The following SLC25A13 variants were observed in gnomAD, a reference collection of about 807,000 sequenced individuals.
The protein encoded by SLC25A13 is solute carrier family 25 member 13.
Under a neutral mutation model 85.5 loss-of-function variants are expected in SLC25A13, and 70 were observed. The observed-to-expected ratio is 0.82, with a 90% CI of 0.68 to 1.00. The LOEUF is 1.00. SLC25A13 is among the 50% of genes least tolerant of loss of function. The pLI is 0.00. For synonymous variants in SLC25A13, 259 were observed against 288.7 expected, an observed-to-expected ratio of 0.90 and a Z score of 1.04; for missense variants, 765 against 819.8, an observed-to-expected ratio of 0.93 and a Z score of 0.82.
chr7:96,182,069 C>G (rs1232029627), intron 11 of SLC25A13, among the ~76,000 whole-genome samples: 1 of 152,124 alleles, frequency 6.6e-6, no homozygotes, highest in Non-Finnish European at 1.5e-5. Flanking sequence ...TTCATCTGAT[C>G]TCTCTTACCC....
chr7:96,315,062 A>G (rs1191088964), intron 1 of SLC25A13, among the ~76,000 whole-genome samples: 1 of 152,178 alleles, frequency 6.6e-6, no homozygotes. Context: ...TGGAGCTTTC[A>G]GTCAAGTTTG....
chr7:96,182,936 C>T (rs1486641689), intron 11 of SLC25A13, among the ~76,000 whole-genome samples: 2 of 152,178 alleles, frequency 1.3e-5, no homozygotes, highest in East Asian at 3.9e-4. Flanking sequence ...CCAAAAACCA[C>T]CCATATGGAC....
At chr7:96,282,701 A>C (rs1798734726) in intron 2 of SLC25A13, among the ~76,000 whole-genome samples, 1 of 152,214 alleles carries the variant, frequency 6.6e-6, no homozygotes, top group African/African-American at 2.4e-5. Context: ...ATATTTATTA[A>C]CATAAATCAG....
intron 1 of SLC25A13, among the ~76,000 whole-genome samples, chr7:96,297,838 C>A (rs533134449): frequency 6.6e-6 from 1 of 152,278 alleles, no homozygotes; most frequent in South Asian, 2.1e-4. Context: ...TTTAGAAATA[C>A]AAGTGGCTGT....
At chr7:96,204,744 C>T (rs1795394753) in intron 5 of SLC25A13, among the ~76,000 whole-genome samples, 1 of 152,084 alleles carries the variant, frequency 6.6e-6, no homozygotes, top group African/African-American at 2.4e-5. Flanking sequence ...TAGATTTTTA[C>T]ATTATGAGTG....
intron 3 of SLC25A13, 91 bp from the exon 4 acceptor site, chr7:96,235,008 T>A: frequency 1.2e-6 from 1 of 850,334 alleles, no homozygotes; most frequent in South Asian, 1.5e-5. Flanking sequence ...AAATAAGATA[T>A]CACTGCCAAA....
chr7:96,146,472 A>T, intron 14 of SLC25A13, 84 bp downstream of exon 14: 1 of 1,558,028 alleles, frequency 6.4e-7, no homozygotes, highest in Non-Finnish European at 8.7e-7. Flanking sequence ...TGCAAAAAAA[A>T]ATGGATTTCA....
chr7:96,147,239 T>C (rs991020005), intron 13 of SLC25A13, among the ~76,000 whole-genome samples: 5 of 152,240 alleles, frequency 3.3e-5, no homozygotes, highest in Admixed American at 6.5e-5. Context: ...GTTATTATTT[T>C]TTTCTCTTAG....
At chr7:96,302,323 G>T (rs1799577670) in intron 1 of SLC25A13, among the ~76,000 whole-genome samples, 1 of 152,062 alleles carries the variant, frequency 6.6e-6, no homozygotes, top group Non-Finnish European at 1.5e-5. Context: ...CCATAGGTAG[G>T]GGGTCACCAG....
intron 14 of SLC25A13, among the ~76,000 whole-genome samples, chr7:96,138,585 A>C (rs1584359013): frequency 1.3e-5 from 2 of 151,894 alleles, no homozygotes; most frequent in East Asian, 1.9e-4. Flanking sequence ...TTTTGTGTAG[A>C]GATGAGGTCT....
chr7:96,226,308 T>C (rs1393874968), intron 4 of SLC25A13, among the ~76,000 whole-genome samples: 1 of 152,190 alleles, frequency 6.6e-6, no homozygotes. Context: ...ACTCGTAGTG[T>C]CCTCAAGGTT....
intron 3 of SLC25A13, among the ~76,000 whole-genome samples, chr7:96,238,001 G>A (rs1011657256): frequency 9.9e-5 from 15 of 152,102 alleles, no homozygotes; most frequent in Non-Finnish European, 2.1e-4. Flanking sequence ...ATGCTGGTAT[G>A]GGCAGAACTG....
Position 96,189,478 on chromosome 7 carries a change from G to C in SLC25A13, c.849-100C>G, listed in dbSNP as rs1325868663. On this transcript the variant is annotated intron_variant, in intron 8 of 17. Coordinates refer to ENST00000265631, the MANE Select transcript of SLC25A13 (RefSeq NM_014251.3). Reference sequence around the variant, plus strand: ...CCCTTTTTTCATTTCTCATATTTCAGTATAGCCTTCAGTTTGGCTTCTTTT... The same window carrying C: ...CCCTTTTTTCATTTCTCATATTTCACTATAGCCTTCAGTTTGGCTTCTTTT... 4.6e-6 allele frequency: 7 copies of C among 1,521,078 alleles called. No individual in the cohort carries two copies. In the Admixed American group the frequency reaches 1.2e-4, roughly 26 times the overall value. The allele number at this position is 1,521,078 out of a possible 1,614,324, so 94.2% of individuals were successfully genotyped here.
chr7:96,277,462 G>T, intron 2 of SLC25A13, 124 bp from the exon 3 acceptor site: 2 of 876,644 alleles, frequency 2.3e-6, no homozygotes, highest in Non-Finnish European at 3.5e-6. Context: ...GATCATGTAC[G>T]CTTCATAATG....
intron 2 of SLC25A13, among the ~76,000 whole-genome samples, chr7:96,280,630 G>A (rs936395897): frequency 2.6e-5 from 4 of 152,090 alleles, no homozygotes; most frequent in South Asian, 4.1e-4. Context: ...CAGGAGAATC[G>A]CTTGAGCACA....
At chr7:96,177,692 T>C (rs897272099) in intron 11 of SLC25A13, among the ~76,000 whole-genome samples, 10 of 152,182 alleles carry the variant, frequency 6.6e-5, no homozygotes, top group Admixed American at 3.3e-4. Flanking sequence ...AAATGGATTT[T>C]TGTTGTTGTT....
chr7:96,299,006 G>A (rs1470508142), intron 1 of SLC25A13, among the ~76,000 whole-genome samples: 1 of 152,130 alleles, frequency 6.6e-6, no homozygotes, highest in Non-Finnish European at 1.5e-5. Context: ...TCTCATGGAA[G>A]TACATAACAC....
chr7:96,215,022 T>C (rs1019096915), intron 4 of SLC25A13, among the ~76,000 whole-genome samples: 2 of 152,066 alleles, frequency 1.3e-5, no homozygotes, highest in Non-Finnish European at 2.9e-5. Flanking sequence ...AAAATCCTGG[T>C]TGGCTTGTTT....
At chr7:96,170,727 TA>T (rs1793958874) in intron 12 of SLC25A13, among the ~76,000 whole-genome samples, 1 of 152,194 alleles carries the variant, frequency 6.6e-6, no homozygotes, top group Admixed American at 6.5e-5. Context: ...GAAGATTAGC[TA>T]TCTCAAGGTC....
Sources: gnomAD v4.1 joint callset for allele counts (sites outside exome capture counted in the v4.1 genomes callset) on GRCh38, gnomAD v4.1.1 for gene constraint, MANE v1.5 for transcripts, NCBI Gene and HGNC (gene_info 2026-07-23, HGNC 2026-07-21) for gene names.